GUCY1A1: variants seen among roughly 807,000 people sequenced by gnomAD.
GUCY1A1 encodes guanylate cyclase soluble subunit alpha-1.
Under a neutral mutation model 64.5 loss-of-function variants are expected in GUCY1A1, and 48 were observed. The ratio of observed to expected loss-of-function variants is 0.74; its 90% confidence interval spans 0.59 to 0.95. The LOEUF (loss-of-function observed/expected upper bound fraction) is 0.95, where lower values mean the gene tolerates loss of function less well. Among genes scored for constraint, GUCY1A1 ranks in the 40% least tolerant of loss-of-function variants. The pLI is 0.00. For missense variants in GUCY1A1, 804 were observed against 825.3 expected (o/e 0.97, Z 0.32); for synonymous variants, 308 against 303.4 (o/e 1.02, Z -0.16).
intron 4 of GUCY1A1, among the ~76,000 whole-genome samples, chr4:155,704,791 A>G (rs1731518568): frequency 6.6e-6 from 1 of 152,082 alleles, no homozygotes; most frequent in Admixed American, 6.6e-5. Context: ...ATCATAGCTC[A>G]CTGCTGCCCA....
At chr4:155,707,604 T>TAA (rs113865416) in intron 4 of GUCY1A1, among the ~76,000 whole-genome samples, 20 of 142,678 alleles carry the variant, frequency 1.4e-4, no homozygotes, top group Admixed American at 2.8e-4. Context: ...GATATAAAGG[T>TAA]AAAAAAAAAA....
intron 2 of GUCY1A1, among the ~76,000 whole-genome samples, chr4:155,682,313 C>T (rs1214390881): frequency 6.6e-6 from 1 of 152,170 alleles, no homozygotes. Flanking sequence ...ACAGTTTTAA[C>T]TCTCTATCTT....
At chr4:155,678,519 T>C (rs908972589) in intron 2 of GUCY1A1, among the ~76,000 whole-genome samples, 1 of 152,246 alleles carries the variant, frequency 6.6e-6, no homozygotes, top group Non-Finnish European at 1.5e-5. Flanking sequence ...TTGAGGAATG[T>C]TCTATTCTCA....
intron 9 of GUCY1A1, among the ~76,000 whole-genome samples, chr4:155,726,175 ACT>A (rs1189151044): frequency 3.3e-5 from 5 of 151,934 alleles, no homozygotes; most frequent in Non-Finnish European, 7.4e-5. Context: ...ATAATAGTTT[ACT>A]TTCTTTTTAT....
At chr4:155,715,196 T>G (rs969503900) in intron 7 of GUCY1A1, among the ~76,000 whole-genome samples, 1 of 152,142 alleles carries the variant, frequency 6.6e-6, no homozygotes, top group African/African-American at 2.4e-5. Context: ...CTTCTGATTT[T>G]GCTTGAGATT....
rs1735656371 is a variant in GUCY1A1 at position 155,732,419 on chromosome 4, G to C, written c.*2188G>C. 1 of 152,964 alleles carries C rather than the reference G, an allele frequency of 6.5e-6. No homozygotes were observed. Among genetic ancestry groups the C allele is most frequent in the Non-Finnish European group, 1.5e-5 (1 of 67,744 alleles). The allele number at this position is 152,964 out of a possible 1,614,324, so 9.5% of individuals were successfully genotyped here. A position where few individuals can be genotyped will look rare whatever the true frequency, so the allele number is the denominator to read the frequency against. On this transcript the variant is annotated 3_prime_UTR_variant, in exon 10 of 10. Coordinates refer to ENST00000506455, the MANE Select transcript of GUCY1A1 (RefSeq NM_001130682.3). ...AGCCTACAAAGGCCCATTAAATACA[G>C]AATAATTTGTGGATCTTCAAAGAGG...
rs1231605702 is a variant in GUCY1A1 at position 155,713,458 on chromosome 4, C to T, written c.1447C>T (p.Leu483Phe). 6.2e-7 allele frequency: 1 copy of T among 1,614,178 alleles called. No individual in the cohort carries two copies. The highest frequency in any genetic ancestry group is 1.7e-5 in the Admixed American group (1 of 60,024). ...CAAGAAGTTCAGTAATGTCACCATGCTCTTCTCAGACATCGTTGGGTTCAC... is the reference window on the plus strand; with the variant it reads ...CAAGAAGTTCAGTAATGTCACCATGTTCTTCTCAGACATCGTTGGGTTCAC... The part of the protein sequence containing the change: ...QAKKFSNVTM[L>F]FSDIVGFTAI... The change falls in exon 7 of 10, where the codon CTC becomes TTC. Residue 483 changes from leucine to phenylalanine, a missense_variant. Transcript: ENST00000506455.
chr4:155,687,193 A>G (rs190041368), intron 2 of GUCY1A1, among the ~76,000 whole-genome samples: 1 of 152,278 alleles, frequency 6.6e-6, no homozygotes, highest in East Asian at 1.9e-4. Flanking sequence ...GTATGCAATG[A>G]GCATTTACAT....
intron 2 of GUCY1A1, among the ~76,000 whole-genome samples, chr4:155,679,106 A>G (rs1374837004): frequency 6.6e-6 from 1 of 152,068 alleles, no homozygotes; most frequent in Non-Finnish European, 1.5e-5. Flanking sequence ...TTGTTTATGT[A>G]ATAATGTCTT....
intron 2 of GUCY1A1, among the ~76,000 whole-genome samples, chr4:155,682,726 G>A (rs1010733971): frequency 6.3e-5 from 9 of 143,140 alleles, no homozygotes; most frequent in South Asian, 2.3e-4. Context: ...GTGTGTGTGT[G>A]TGTATATACC....
intron 2 of GUCY1A1, among the ~76,000 whole-genome samples, chr4:155,676,796 T>G (rs1434631647): frequency 6.6e-6 from 1 of 151,628 alleles, no homozygotes; most frequent in Non-Finnish European, 1.5e-5. Context: ...CCAACCTTTT[T>G]TTGTTTTCCA....
intron 9 of GUCY1A1, among the ~76,000 whole-genome samples, chr4:155,725,624 A>C (rs557311854): frequency 2.8e-4 from 43 of 152,232 alleles, no homozygotes; most frequent in African/African-American, 1.0e-3. Flanking sequence ...ACAGTATGAA[A>C]CTAAACTTTT....
intron 2 of GUCY1A1, among the ~76,000 whole-genome samples, chr4:155,681,286 T>G (rs1026302517): frequency 6.6e-6 from 1 of 152,188 alleles, no homozygotes; most frequent in African/African-American, 2.4e-5. Flanking sequence ...TCAAAGACCC[T>G]GTACTTTGAG....
At chr4:155,705,642 T>C (rs369989081) in intron 4 of GUCY1A1, among the ~76,000 whole-genome samples, 23 of 152,328 alleles carry the variant, frequency 1.5e-4, no homozygotes, top group African/African-American at 5.5e-4. Context: ...GTGTTGAAAT[T>C]TGCAGAACTG....
intron 4 of GUCY1A1, among the ~76,000 whole-genome samples, chr4:155,707,538 AT>A (rs1483966618): frequency 6.6e-6 from 1 of 152,114 alleles, no homozygotes; most frequent in Non-Finnish European, 1.5e-5. Context: ...ATGGGAGAAA[AT>A]CAAAATTCAA....
intron 2 of GUCY1A1, among the ~76,000 whole-genome samples, chr4:155,689,613 T>G (rs1729472206): frequency 6.6e-6 from 1 of 152,114 alleles, no homozygotes; most frequent in Non-Finnish European, 1.5e-5. Flanking sequence ...TACTATAGAG[T>G]TGAGTGTACT....
intron 9 of GUCY1A1, 76 bp downstream of exon 9, chr4:155,722,268 T>G (rs1417788912): frequency 6.5e-7 from 1 of 1,531,610 alleles, no homozygotes; most frequent in Non-Finnish European, 8.8e-7. Context: ...CTGATTTGAT[T>G]CATTCTTCAT....
chr4:155,691,684 C>G (rs1202668935), intron 2 of GUCY1A1, among the ~76,000 whole-genome samples: 4 of 152,100 alleles, frequency 2.6e-5, no homozygotes. Context: ...TGTCCAGGTA[C>G]CAGGTATGAT....
chr4:155,683,572 A>C (rs1736129589), intron 2 of GUCY1A1, among the ~76,000 whole-genome samples: 1 of 152,210 alleles, frequency 6.6e-6, no homozygotes, highest in Admixed American at 6.5e-5. Flanking sequence ...CAAGATAATG[A>C]GGAAAGTTAT....
Sources: gnomAD v4.1 joint callset for allele counts (sites outside exome capture counted in the v4.1 genomes callset) on GRCh38, gnomAD v4.1.1 for gene constraint, MANE v1.5 for transcripts, NCBI Gene and HGNC (gene_info 2026-07-23, HGNC 2026-07-21) for gene names.